The following ARID1A variants were observed in gnomAD, a reference collection of about 807,000 sequenced individuals.
The protein encoded by ARID1A is AT-rich interaction domain 1A.
Under a neutral mutation model 212.6 loss-of-function variants are expected in ARID1A, and 20 were observed. That is an observed-to-expected ratio of 0.09 (90% CI 0.07 to 0.14). The LOEUF (loss-of-function observed/expected upper bound fraction) is 0.14, where lower values mean the gene tolerates loss of function less well. ARID1A is among the 10% of genes least tolerant of loss of function. ARID1A has a pLI of 1.00. For synonymous variants in ARID1A, 1,376 were observed against 1,222.1 expected, an observed-to-expected ratio of 1.13 and a Z score of -2.63; for missense variants, 2,587 against 3,059.0, an observed-to-expected ratio of 0.85 and a Z score of 3.64.
intron 4 of ARID1A, among the ~76,000 whole-genome samples, chr1:26,751,115 C>T (rs369276024): frequency 1.8e-4 from 27 of 151,860 alleles, no homozygotes; most frequent in East Asian, 9.7e-4. Flanking sequence ...ATTAGCCGGG[C>T]GTGGTGGCGA....
chr1:26,706,565 T>C (rs1432800195), intron 1 of ARID1A, among the ~76,000 whole-genome samples: 1 of 152,194 alleles, frequency 6.6e-6, no homozygotes. Flanking sequence ...ACTTTGACTT[T>C]AAGAAAAGTG....
At chr1:26,731,034 A>G in intron 2 of ARID1A, 118 bp from the exon 3 acceptor site, 1 of 1,153,492 alleles carries the variant, frequency 8.7e-7, no homozygotes, top group Non-Finnish European at 1.3e-6. Context: ...CCTCCTAAGT[A>G]TGAGGCCTTG....
chr1:26,718,140 A>T (rs1379448843), intron 1 of ARID1A, among the ~76,000 whole-genome samples: 1 of 151,852 alleles, frequency 6.6e-6, no homozygotes, highest in Admixed American at 6.6e-5. Context: ...ACGCCCAGCT[A>T]ATTTTTGTAT....
At chr1:26,723,826 A>C (rs759993663) in intron 1 of ARID1A, among the ~76,000 whole-genome samples, 3 of 151,684 alleles carry the variant, frequency 2.0e-5, no homozygotes, top group South Asian at 2.1e-4. Flanking sequence ...TCACCACAAC[A>C]CAACCACTCG....
At chr1:26,727,847 G>A (rs1195721257) in intron 1 of ARID1A, 4 of 152,236 alleles carry the variant, frequency 2.6e-5, no homozygotes, top group Non-Finnish European at 1.5e-5. Context: ...GAGGACCTCA[G>A]TGTGATATGT....
chr1:26,717,949 T>G (rs1477341268), intron 1 of ARID1A, among the ~76,000 whole-genome samples: 2 of 152,084 alleles, frequency 1.3e-5, no homozygotes, highest in Non-Finnish European at 2.9e-5. Context: ...GGAACAGTTT[T>G]TTTGTTTGTT....
chr1:26,736,855 T>C (rs899792947), intron 4 of ARID1A, among the ~76,000 whole-genome samples: 7 of 139,158 alleles, frequency 5.0e-5, no homozygotes, highest in Middle Eastern at 4.4e-3. Flanking sequence ...TGAGCCAAGA[T>C]CACGCCATTG....
chr1:26,752,742 T>C (rs974944837), intron 4 of ARID1A, among the ~76,000 whole-genome samples: 2 of 152,178 alleles, frequency 1.3e-5, no homozygotes, highest in African/African-American at 4.8e-5. Flanking sequence ...ACTGACAAAT[T>C]ACTAGTGTAG....
chr1:26,727,864 A>G (rs1011551558), intron 1 of ARID1A: 7 of 152,344 alleles, frequency 4.6e-5, no homozygotes, highest in African/African-American at 1.7e-4. Flanking sequence ...ATGTGGCATG[A>G]TATGGCCATG....
At chr1:26,756,501 A>G (rs1259900265) in intron 4 of ARID1A, among the ~76,000 whole-genome samples, 1 of 151,184 alleles carries the variant, frequency 6.6e-6, no homozygotes, top group Non-Finnish European at 1.5e-5. Flanking sequence ...AGTTGCAGTG[A>G]GCCAAGATTA....
At chr1:26,741,235 G>A (rs1281178155) in intron 4 of ARID1A, among the ~76,000 whole-genome samples, 1 of 152,174 alleles carries the variant, frequency 6.6e-6, no homozygotes, top group African/African-American at 2.4e-5. Flanking sequence ...CCAGGATTGT[G>A]TAATATTTCT....
rs1361717288 is a variant in ARID1A, at chr1:26,722,536, C to T, written c.1138-7115C>T. ...TTGGGATTACATGCGTGAGTCACTG[C>T]GTCTGGCCAATTTTTATTCCACTTG... On this transcript the variant is annotated intron_variant, in intron 1 of 19. Coordinates refer to ENST00000324856, the MANE Select transcript of ARID1A (RefSeq NM_006015.6). Among the ~76,000 whole-genome samples the T allele has an allele frequency of 5.3e-5, 8 of 152,272 alleles. No homozygotes were observed. The East Asian group carries it at 5.8e-4, about 11-fold the overall frequency.
intron 4 of ARID1A, among the ~76,000 whole-genome samples, chr1:26,745,258 T>C (rs2080825826): frequency 6.6e-6 from 1 of 152,108 alleles, no homozygotes; most frequent in African/African-American, 2.4e-5. Context: ...ATCATACCCC[T>C]AAACCTGTGG....
intron 4 of ARID1A, among the ~76,000 whole-genome samples, chr1:26,756,704 T>C (rs1236714474): frequency 2.0e-5 from 3 of 150,934 alleles, no homozygotes; most frequent in African/African-American, 7.3e-5. Flanking sequence ...GCTGAAATGT[T>C]TTTTTTTTTC....
At chr1:26,749,770 C>T (rs2080868653) in intron 4 of ARID1A, among the ~76,000 whole-genome samples, 1 of 152,238 alleles carries the variant, frequency 6.6e-6, no homozygotes, top group Non-Finnish European at 1.5e-5. Flanking sequence ...GTTCTAGCAA[C>T]AGCTCTTACC....
In ARID1A at chr1:26,762,068, A is replaced by T. The variant is rs898659557; in HGVS notation, c.2252-84A>T. ...CAAGTGGCTGCTAAAGAAAATGTAGATGGTAAAGTCCCAGGATAAGGATGG... is the reference window on the plus strand; with the variant it reads ...CAAGTGGCTGCTAAAGAAAATGTAGTTGGTAAAGTCCCAGGATAAGGATGG... On this transcript the variant is annotated intron_variant, in intron 6 of 19. Transcript: ENST00000324856. 6.4e-6 allele frequency: 9 copies of T among 1,412,612 alleles called. No homozygotes were observed. In the African/African-American group the frequency reaches 1.3e-4, roughly 20 times the overall value. The allele number at this position is 1,412,612 out of a possible 1,614,324, so 87.5% of individuals were successfully genotyped here.
Position 26,771,026 on chromosome 1 carries a change from G to A in ARID1A, c.3199-93G>A, listed in dbSNP as rs2081079077. 8.6e-7 allele frequency: 1 copy of A among 1,156,386 alleles called. No homozygotes were observed. The highest frequency in any genetic ancestry group is 1.3e-6 in the Non-Finnish European group (1 of 783,472). 71.6% of individuals were successfully genotyped at this position (1,156,386 alleles called of 1,614,324 possible). A position where few individuals can be genotyped will look rare whatever the true frequency, so the allele number is the denominator to read the frequency against. ...TACCTAAGAACTGTGGTTCTACAAA[G>A]ATGAATACCTTACAGCCTGATGGGG... is the stretch of plus-strand genomic sequence containing the variant. On this transcript the variant is annotated intron_variant, in intron 11 of 19. Transcript: ENST00000324856. This position sits in a 1 kb window ranked among gnomAD's most constrained non-coding sequence, Gnocchi z 5.4.
chr1:26,762,892 T>G, intron 7 of ARID1A, 81 bp from the exon 8 acceptor site: 2 of 1,300,944 alleles, frequency 1.5e-6, no homozygotes, highest in Non-Finnish European at 2.1e-6. Context: ...TTGAATGACA[T>G]TGTTTGGTGT....
chr1:26,733,815 A>T (rs1422829757), intron 4 of ARID1A, among the ~76,000 whole-genome samples: 1 of 152,214 alleles, frequency 6.6e-6, no homozygotes, highest in Non-Finnish European at 1.5e-5. Context: ...CTCTACTTGG[A>T]TGTAAAGCCT....
Sources: allele counts gnomAD v4.1 joint callset (sites outside exome capture counted in the v4.1 genomes callset), GRCh38; gene constraint gnomAD v4.1.1; non-coding constraint Gnocchi (gnomAD v3.1); transcripts MANE v1.5; gene names NCBI Gene and HGNC (gene_info 2026-07-23, HGNC 2026-07-21).